AKT2: variants seen among roughly 807,000 people sequenced by gnomAD.
AKT2 encodes AKT serine/threonine kinase 2, also known as RAC-beta serine/threonine-protein kinase.
A neutral mutation model predicts 58.6 loss-of-function variants in AKT2; 16 were observed. The ratio of observed to expected loss-of-function variants is 0.27; its 90% confidence interval spans 0.18 to 0.41. The LOEUF is 0.41. Among genes scored for constraint, AKT2 ranks in the 10% least tolerant of loss-of-function variants. The pLI is 1.00. For missense variants in AKT2, 438 were observed against 661.0 expected (o/e 0.66, Z 3.70); for synonymous variants, 253 against 254.0 (o/e 1.00, Z 0.04).
At chr19:40,251,559 A>C (rs1416133306) in intron 4 of AKT2, among the ~76,000 whole-genome samples, 1 of 152,222 alleles carries the variant, frequency 6.6e-6, no homozygotes, top group Non-Finnish European at 1.5e-5. Context: ...CAAAAAAATA[A>C]ATAAATTAAT....
At chr19:40,270,409 A>T (rs201196129) in intron 1 of AKT2, 1 of 120,248 alleles carries the variant, frequency 8.3e-6, no homozygotes, top group African/African-American at 4.1e-5. Flanking sequence ...TACAGAGTGA[A>T]GCCCTGTGCC....
At chr19:40,272,238 G>T (rs887560229) in intron 1 of AKT2, among the ~76,000 whole-genome samples, 2 of 152,246 alleles carry the variant, frequency 1.3e-5, no homozygotes, top group Non-Finnish European at 2.9e-5. Context: ...ACACAGCCTT[G>T]AGAGTTAGGC....
At position 40,254,142 on chromosome 19, in the gene AKT2, T is replaced by C. The variant is rs74926205; in HGVS notation, c.287+1016A>G. ...TCCTTATACTGTTTCAATTTTGAAA[T>C]AGATGAGTCTTTATCATCTCTTCTG... On this transcript the variant is annotated intron_variant, in intron 4 of 13. Transcript: ENST00000392038. 4.8e-3 allele frequency among the ~76,000 whole-genome samples: 735 copies of C among 151,780 alleles called. 6 individuals are homozygous for C. The highest frequency in any genetic ancestry group is 0.016 in the African/African-American group (684 of 41,504).
At chr19:40,277,853 G>A (rs1325365439) in intron 1 of AKT2, among the ~76,000 whole-genome samples, 1 of 152,230 alleles carries the variant, frequency 6.6e-6, no homozygotes, top group African/African-American at 2.4e-5. Context: ...ACATAGAAGT[G>A]ATTCAATCAA....
chr19:40,249,582 G>C (rs959135865), intron 4 of AKT2, among the ~76,000 whole-genome samples: 3 of 152,212 alleles, frequency 2.0e-5, no homozygotes, highest in Non-Finnish European at 4.4e-5. Context: ...AGGAGTGACA[G>C]CTGACTGTGG....
At position 40,233,832 on chromosome 19, in the gene AKT2, T is replaced by C; in HGVS notation, c.*40A>G. 6.3e-7 allele frequency: 1 copy of C among 1,599,540 alleles called. No homozygotes were observed. The highest frequency in any genetic ancestry group is 8.5e-7 in the Non-Finnish European group (1 of 1,174,636). On this transcript the variant is annotated 3_prime_UTR_variant, in exon 14 of 14. Coordinates refer to ENST00000392038, the MANE Select transcript of AKT2 (RefSeq NM_001626.6). This position sits in a 1 kb window ranked among gnomAD's most constrained non-coding sequence, Gnocchi z 4.3. ...TTAGGGGGAAAAAACCACCCAGCGG[T>C]GATGGCAGCGAGCGTGCGTCCTCTG... is the stretch of plus-strand genomic sequence containing the variant.
At position 40,249,824 on chromosome 19, in the gene AKT2, C is replaced by G. The variant is rs554758382; in HGVS notation, c.287+5334G>C. On this transcript the variant is annotated intron_variant, in intron 4 of 13. Coordinates refer to ENST00000392038, the MANE Select transcript of AKT2 (RefSeq NM_001626.6). The stretch of plus-strand genomic sequence containing the variant: ...CAGATACATACATAAATATAAATGT[C>G]CCACTTGGTGGACAGGTGCTATGAA... Among the ~76,000 whole-genome samples, 222 of 152,318 alleles carry G rather than the reference C, an allele frequency of 1.5e-3. 1 individual carries two copies. Among genetic ancestry groups the G allele is most frequent in the Non-Finnish European group, 2.2e-4 (15 of 68,028 alleles).
chr19:40,258,334 C>A (rs1463941297), intron 2 of AKT2, among the ~76,000 whole-genome samples: 1 of 149,288 alleles, frequency 6.7e-6, no homozygotes, highest in Non-Finnish European at 1.5e-5. Flanking sequence ...GAACTGTATG[C>A]TTTAAATGGA....
chr19:40,280,616 A>C (rs8102171), intron 1 of AKT2, among the ~76,000 whole-genome samples: 115,152 of 152,012 alleles, frequency 0.76, 44,250 homozygotes, highest in African/African-American at 0.9. Flanking sequence ...CCGCAGCCCC[A>C]GGACTCATCT....
At chr19:40,263,416 T>G (rs936387236) in intron 2 of AKT2, among the ~76,000 whole-genome samples, 1 of 152,218 alleles carries the variant, frequency 6.6e-6, no homozygotes, top group African/African-American at 2.4e-5. Flanking sequence ...CCTACCCTTG[T>G]AGAGCTGACA....
intron 2 of AKT2, among the ~76,000 whole-genome samples, chr19:40,263,911 C>CT (rs1364750586): frequency 1.3e-5 from 2 of 152,188 alleles, no homozygotes. Flanking sequence ...ATTCAGATGC[C>CT]CCCTTCTCAG....
At chr19:40,254,511 G>A (rs1975393545) in intron 4 of AKT2, among the ~76,000 whole-genome samples, 1 of 147,992 alleles carries the variant, frequency 6.8e-6, no homozygotes, top group Non-Finnish European at 1.5e-5. Context: ...CTGGGCAACA[G>A]AGCAAGACTC....
intron 9 of AKT2, 154 bp from the exon 10 acceptor site, chr19:40,236,539 A>T: frequency 1.1e-5 from 11 of 1,016,628 alleles, no homozygotes; most frequent in Non-Finnish European, 1.6e-5. Context: ...TCTGAGGCTC[A>T]GAGAGAGGCC....
At position 40,252,602 on chromosome 19, in the gene AKT2, C is replaced by A. The variant is rs945526169; in HGVS notation, c.287+2556G>T. ...AGTGCCTGCCAAGCCCTGTGGGGATCTCCACCTGGAGTCCAAGGCCTTGGC... is the reference window on the plus strand; with the variant it reads ...AGTGCCTGCCAAGCCCTGTGGGGATATCCACCTGGAGTCCAAGGCCTTGGC... On this transcript the variant is annotated intron_variant, in intron 4 of 13. Coordinates refer to ENST00000392038, the MANE Select transcript of AKT2 (RefSeq NM_001626.6). 1.3e-4 allele frequency among the ~76,000 whole-genome samples: 8 copies of A among 59,378 alleles called. No individual in the cohort carries two copies. The South Asian group carries it at 9.4e-3, about 70-fold the overall frequency. The allele number at this position is 59,378 out of a possible 152,430, so 39.0% of individuals were successfully genotyped here.
chr19:40,242,143 A>T lies in AKT2; in HGVS notation c.442-74T>A. On this transcript the variant is annotated intron_variant, in intron 5 of 13. Transcript: ENST00000392038. The surrounding 1 kb of genome is among the most constrained non-coding windows in gnomAD (Gnocchi z 4.3). ...CGTGGGAGGAAATTTTAACAAAAGA[A>T]AGAGGAAAACCAAAAGACACTGTTG... 1.2e-6 allele frequency: 2 copies of T among 1,602,102 alleles called. No homozygotes were observed. The highest frequency in any genetic ancestry group is 1.7e-6 in the Non-Finnish European group (2 of 1,173,134).
intron 2 of AKT2, among the ~76,000 whole-genome samples, chr19:40,258,245 G>GAAAAAAAAAAAAAAAAA (rs56202522): frequency 2.4e-5 from 1 of 41,096 alleles, no homozygotes; most frequent in Non-Finnish European, 4.9e-5. Context: ...ACTCCGTCTC[G>GAAAAAAAAAAAAAAAAA]AAAAAAAAAA....
In AKT2 at chr19:40,238,846, C is replaced by G. The variant is rs574933829; in HGVS notation, c.708+59G>C. The G allele has an allele frequency of 1.2e-5, 19 of 1,563,682 alleles. No homozygotes were observed. Among genetic ancestry groups the G allele is most frequent in the African/African-American group, 8.1e-5 (6 of 73,900 alleles). On this transcript the variant is annotated intron_variant, in intron 8 of 13. Transcript: ENST00000392038. The surrounding 1 kb of genome is among the most constrained non-coding windows in gnomAD (Gnocchi z 5.1). Reference sequence around the variant, plus strand: ...CATCTCACCCACAGCTCCTCTCCATCCCGCCCCACCCTAAAGAAGGAGGCC... The same window carrying G: ...CATCTCACCCACAGCTCCTCTCCATGCCGCCCCACCCTAAAGAAGGAGGCC...
rs191217156 is a variant in AKT2, at chr19:40,276,094, C to T, written c.-85+9087G>A. Among the ~76,000 whole-genome samples the T allele has an allele frequency of 2.1e-3, 320 of 151,854 alleles. 2 individuals are homozygous for T. Among genetic ancestry groups the T allele is most frequent in the African/African-American group, 7.1e-3 (295 of 41,384 alleles). ...TATAGAATTCCTGCTAATTAAGCAC[C>T]GGGAGCTTAAAGGCAGGAGGCAGGG... On this transcript the variant is annotated intron_variant, in intron 1 of 13. Transcript: ENST00000392038.
At chr19:40,272,927 TG>T (rs1242133300) in intron 1 of AKT2, among the ~76,000 whole-genome samples, 1 of 152,212 alleles carries the variant, frequency 6.6e-6, no homozygotes, top group Admixed American at 6.5e-5. Context: ...TTTCCTCATC[TG>T]TATATTAGAG....
Sources: allele counts gnomAD v4.1 joint callset (sites outside exome capture counted in the v4.1 genomes callset), GRCh38; gene constraint gnomAD v4.1.1; non-coding constraint Gnocchi (gnomAD v3.1); transcripts MANE v1.5; gene names NCBI Gene and HGNC (gene_info 2026-07-23, HGNC 2026-07-21).